VIM: variants seen among roughly 807,000 people sequenced by gnomAD.
VIM encodes vimentin, also known as epididymis secretory sperm binding protein.
Under a neutral mutation model 50.3 loss-of-function variants are expected in VIM, and 18 were observed. The observed-to-expected ratio is 0.36, with a 90% confidence interval of 0.25 to 0.53. VIM has a LOEUF of 0.53. VIM is among the 20% of genes least tolerant of loss of function. The probability of loss-of-function intolerance (pLI) is 0.91; values close to 1 mark genes in which losing one functional copy is unlikely to be tolerated. For missense variants in VIM, 551 were observed against 614.7 expected (o/e 0.90, Z 1.10); for synonymous variants, 245 against 248.5 (o/e 0.99, Z 0.13).
rs112415072 is a variant in VIM, at chr10:17,230,647, C to T, written c.564-3C>T. On this transcript the variant is annotated splice_region_variant and splice_polypyrimidine_tract_variant and intron_variant, in intron 2 of 9. Coordinates refer to ENST00000544301, the MANE Select transcript of VIM (RefSeq NM_003380.5). Reference sequence around the variant, plus strand: ...CCCTTTGGTTAATGCGCAACTGTTTCAGATTGCAGGAGGAGATGCTTCAGA... The same window carrying T: ...CCCTTTGGTTAATGCGCAACTGTTTTAGATTGCAGGAGGAGATGCTTCAGA... The T allele has an allele frequency of 1.2e-6, 2 of 1,613,988 alleles. No individual in the cohort carries two copies. Among genetic ancestry groups the T allele is most frequent in the Non-Finnish European group, 1.7e-6 (2 of 1,180,028 alleles).
At chr10:17,230,022 AG>A (rs1425569717) in intron 2 of VIM, 37 bp downstream of exon 2, 1 of 1,569,156 alleles carries the variant, frequency 6.4e-7, no homozygotes, top group African/African-American at 1.3e-5. Flanking sequence ...GGGCCTCGGG[AG>A]GGGGCTGGAG....
Position 17,237,328 on chromosome 10 carries a change from A to G in VIM, c.*57A>G. On this transcript the variant is annotated 3_prime_UTR_variant, in exon 10 of 10. Coordinates refer to ENST00000544301, the MANE Select transcript of VIM (RefSeq NM_003380.5). ...ACCAGCAAGAATAAAAAAGAAATCC[A>G]TATCTTAAAGAAACAGCTTTCAAGT... The G allele has an allele frequency of 2.6e-6, 4 of 1,551,230 alleles. No individual in the cohort carries two copies. Among genetic ancestry groups the G allele is most frequent in the Non-Finnish European group, 3.5e-6 (4 of 1,135,930 alleles).
At position 17,228,394 on chromosome 10, in the gene VIM, TGG is replaced by T. The variant is rs1256628899; in HGVS notation, c.-277_-276del. On this transcript the variant is annotated 5_prime_UTR_variant, in exon 1 of 10. The change abolishes an upstream ATG in the 5' untranslated region. Transcript: ENST00000544301. ...GGCCCGACCGCACACAGCAAGGCGATGGCCCAGCTGTAAGTTGGTAGCACTGA... is the reference window on the plus strand; with the variant it reads ...GGCCCGACCGCACACAGCAAGGCGATCCCAGCTGTAAGTTGGTAGCACTGA... 2 of 152,144 alleles carry T rather than the reference TGG, an allele frequency of 1.3e-5. No individual in the cohort carries two copies. The highest frequency in any genetic ancestry group is 2.9e-5 in the Non-Finnish European group (2 of 68,098). The allele number at this position is 152,144 out of a possible 1,614,324, so 9.4% of individuals were successfully genotyped here. A position where few individuals can be genotyped will look rare whatever the true frequency, so the allele number is the denominator to read the frequency against.
intron 7 of VIM, chr10:17,235,645 G>A (rs1237719028): frequency 2.8e-6 from 2 of 703,288 alleles, no homozygotes; most frequent in Admixed American, 2.4e-5. Flanking sequence ...TCATGCTCCT[G>A]TGGAGAAAAT....
rs776474793 is a variant in VIM at position 17,233,600 on chromosome 10, C to T, written c.638C>T (p.Ala213Val). 5.0e-6 allele frequency: 8 copies of T among 1,614,030 alleles called. No individual in the cohort carries two copies. The highest frequency in any genetic ancestry group is 3.3e-5 in the Admixed American group (2 of 60,006). ...TGTTCAAAATAGGATGTTGACAATG[C>T]GTCTCTGGCACGTCTTGACCTTGAA... ...LQSFRQDVDNASLARLDLERK... is the reference protein window; with the variant it reads ...LQSFRQDVDNVSLARLDLERK... Residue 213 changes from alanine (A) to valine (V), a missense_variant, in exon 4 of 10, where the codon GCG becomes GTG. Ala to Val is a moderately conservative substitution (Grantham distance 64, BLOSUM62 0). Transcript: ENST00000544301.
intron 3 of VIM, among the ~76,000 whole-genome samples, chr10:17,232,809 G>A (rs374105837): frequency 2.6e-5 from 4 of 152,288 alleles, no homozygotes; most frequent in East Asian, 3.9e-4. Flanking sequence ...ACAAGTTTCT[G>A]TTCTCCATGT....
At position 17,229,372 on chromosome 10, in the gene VIM, AG is replaced by A; in HGVS notation, c.-50del. 1 of 1,545,416 alleles carries A rather than the reference AG, an allele frequency of 6.5e-7. No homozygotes were observed. Among genetic ancestry groups the A allele is most frequent in the Non-Finnish European group, 8.7e-7 (1 of 1,149,522 alleles). ...CGCCCTCGTTCGCCTCTTCTCCGGG[AG>A]CCAGTCCGCGCCACCGCCGCCGCCC... is the stretch of plus-strand genomic sequence containing the variant. On this transcript the variant is annotated 5_prime_UTR_variant, in exon 2 of 10. Coordinates refer to ENST00000544301, the MANE Select transcript of VIM (RefSeq NM_003380.5).
intron 2 of VIM, chr10:17,230,351 G>T: frequency 1.8e-6 from 1 of 571,022 alleles, no homozygotes. Flanking sequence ...ATCACCGGGC[G>T]GGAGAAGGAA....
At chr10:17,236,096 A>G (rs940967607) in intron 8 of VIM, 198 bp from the exon 9 acceptor site, 13 of 711,766 alleles carry the variant, frequency 1.8e-5, no homozygotes, top group Non-Finnish European at 3.1e-5. Context: ...TTCCTGCTGC[A>G]AGTACTATCT....
intron 7 of VIM, 160 bp from the exon 8 acceptor site, chr10:17,235,686 C>T: frequency 1.3e-6 from 1 of 783,384 alleles, no homozygotes; most frequent in Admixed American, 2.1e-5. Context: ...AATGTACTAA[C>T]AAGACCAGTC....
chr10:17,230,724 C>T lies in VIM; in HGVS notation c.624+14C>T, dbSNP rs998037864. The T allele has an allele frequency of 3.7e-6, 6 of 1,614,154 alleles. No individual in the cohort carries two copies. Among genetic ancestry groups the T allele is most frequent in the Non-Finnish European group, 3.4e-6 (4 of 1,180,008 alleles). ...TCTTTCAGACAGGTTTGTAGACTCT[C>T]TTCCCACTCGCAGCCGCCTGACCCC... is the stretch of plus-strand genomic sequence containing the variant. On this transcript the variant is annotated intron_variant, in intron 3 of 9. Transcript: ENST00000544301.
rs1243129674 is a variant in VIM at position 17,229,866 on chromosome 10, C to A, written c.444C>A (p.Asp148Glu). The A allele has an allele frequency of 1.9e-6, 3 of 1,609,360 alleles. No homozygotes were observed. The South Asian group carries it at 3.3e-5, about 18-fold the overall frequency. ...LKGQGKSRLG[D>E]LYEEEMRELR... ...GCCAAGGCAAGTCGCGCCTGGGGGACCTCTACGAGGAGGAGATGCGGGAGC... is the reference window on the plus strand; with the variant it reads ...GCCAAGGCAAGTCGCGCCTGGGGGAACTCTACGAGGAGGAGATGCGGGAGC... The change falls in exon 2 of 10, where the codon GAC becomes GAA. Residue 148 changes from aspartate (D) to glutamate (E), a missense_variant. By Grantham distance (45) the Asp-to-Glu change is conservative. This residue lies in a region of VIM where 394 missense variants were observed against 437.5 expected (regional missense o/e 0.90). Transcript: ENST00000544301.
In VIM at chr10:17,233,808, T is replaced by A. The variant is rs761334638; in HGVS notation, c.759T>A (p.His253Gln). The A allele has an allele frequency of 6.2e-7, 1 of 1,614,208 alleles. No homozygotes were observed. Among genetic ancestry groups the A allele is most frequent in the Non-Finnish European group, 8.5e-7 (1 of 1,180,032 alleles). The change falls in exon 5 of 10, where the codon CAT (histidine) becomes CAA (glutamine). Residue 253 changes from histidine to glutamine, a missense_variant. Around this residue, in one of 3 missense-constraint regions of VIM, gnomAD observed 394 missense variants for 437.5 expected, o/e 0.90. Coordinates refer to ENST00000544301, the MANE Select transcript of VIM (RefSeq NM_003380.5). ...QELQAQIQEQ[H>Q]VQIDVDVSKP... ...TGCAGGCTCAGATTCAGGAACAGCA[T>A]GTCCAAATCGATGTGGATGTTTCCA...
intron 5 of VIM, 33 bp downstream of exon 5, chr10:17,233,964 G>T (rs372579980): frequency 4.0e-5 from 63 of 1,590,722 alleles, no homozygotes; most frequent in Admixed American, 2.5e-4. Context: ...TTCAACCAAA[G>T]AAAAGCATTG....
intron 7 of VIM, chr10:17,235,617 T>C: frequency 1.4e-6 from 1 of 692,314 alleles, no homozygotes; most frequent in Non-Finnish European, 2.5e-6. Context: ...TGTCAAAGCC[T>C]CCACTCCTAA....
At chr10:17,233,970 C>T (rs747897483) in intron 5 of VIM, 39 bp downstream of exon 5, 2 of 1,585,008 alleles carry the variant, frequency 1.3e-6, no homozygotes, top group Non-Finnish European at 1.7e-6. Context: ...CAAAGAAAAG[C>T]ATTGTGTTCT....
chr10:17,233,746 A>G, intron 4 of VIM, 24 bp from the exon 5 acceptor site: 1 of 1,614,210 alleles, frequency 6.2e-7, no homozygotes, highest in Non-Finnish European at 8.5e-7. Flanking sequence ...GGCAGAGCTG[A>G]CCGTCTGTCT....
At chr10:17,230,395 G>C in intron 2 of VIM, 1 of 588,418 alleles carries the variant, frequency 1.7e-6, no homozygotes, top group South Asian at 1.9e-5. Context: ...CGAGACAAAG[G>C]GATGGTCCCT....
chr10:17,228,956 C>T (rs1435724433), intron 1 of VIM: 2 of 178,686 alleles, frequency 1.1e-5, no homozygotes, highest in South Asian at 2.3e-4. Context: ...GTGGTGCCAC[C>T]GGACCCCTCT....
Sources: gnomAD v4.1 joint callset for allele counts (sites outside exome capture counted in the v4.1 genomes callset) on GRCh38, gnomAD v4.1.1 for gene constraint, gnomAD v4.1.1 regional missense constraint, MANE v1.5 for transcripts, NCBI Gene and HGNC (gene_info 2026-07-23, HGNC 2026-07-21) for gene names.